The following POT1 variants were observed in gnomAD, a reference collection of about 807,000 sequenced individuals.
The protein encoded by POT1 is protection of telomeres 1, also known as protection of telomeres protein 1.
Under a neutral mutation model 78.5 loss-of-function variants are expected in POT1, and 47 were observed. That is an observed-to-expected ratio of 0.60 (90% confidence interval 0.47 to 0.76). The LOEUF (loss-of-function observed/expected upper bound fraction) is 0.76. Ranked by LOEUF, POT1 falls within the 30% of genes least tolerant of loss-of-function variation. POT1 has a pLI of 0.00. For missense variants in POT1, 646 were observed against 749.9 expected (o/e 0.86, Z 1.62); for synonymous variants, 259 against 260.7 (o/e 0.99, Z 0.06).
At chr7:124,909,111 A>G (rs1796831871) in intron 3 of POT1, among the ~76,000 whole-genome samples, 1 of 151,988 alleles carries the variant, frequency 6.6e-6, no homozygotes, top group South Asian at 2.1e-4. Context: ...AGGTATTAAT[A>G]AGTGTCTTTA....
intron 15 of POT1, among the ~76,000 whole-genome samples, chr7:124,834,857 G>C (rs10237080): frequency 0.4 from 60,683 of 152,010 alleles, 12,243 homozygotes; most frequent in East Asian, 0.5. Context: ...ATGTCCATCA[G>C]TGATAGACTG....
At chr7:124,829,931 C>T (rs1474161415) in intron 15 of POT1, among the ~76,000 whole-genome samples, 1 of 152,126 alleles carries the variant, frequency 6.6e-6, no homozygotes, top group African/African-American at 2.4e-5. Flanking sequence ...CTCCTGAGCT[C>T]AAGCCATCTG....
chr7:124,851,731 C>T (rs557968353), intron 11 of POT1, 141 bp downstream of exon 11: 2 of 669,468 alleles, frequency 3.0e-6, no homozygotes, highest in South Asian at 3.8e-5. Context: ...GCATAGGCCA[C>T]AGATAAAGAT....
At position 124,827,381 on chromosome 7, in the gene POT1, T is replaced by C. The variant is rs1794657199; in HGVS notation, c.1595-76A>G. On this transcript the variant is annotated intron_variant, in intron 16 of 18. Coordinates refer to ENST00000357628, the MANE Select transcript of POT1 (RefSeq NM_015450.3). ...TCAAGGTAAAGTTAAAATTGTTTTATGATAGTATAGACCTGTAAATTTTAT... is the reference window on the plus strand; with the variant it reads ...TCAAGGTAAAGTTAAAATTGTTTTACGATAGTATAGACCTGTAAATTTTAT... 2.1e-5 allele frequency: 17 copies of C among 814,758 alleles called. No homozygotes were observed. The South Asian group carries it at 4.1e-4, about 20-fold the overall frequency. 50.5% of individuals were successfully genotyped at this position (814,758 alleles called of 1,614,324 possible). A position where few individuals can be genotyped will look rare whatever the true frequency, so the allele number is the denominator to read the frequency against.
chr7:124,888,817 CAA>C (rs1394865287), intron 6 of POT1, among the ~76,000 whole-genome samples: 1 of 151,910 alleles, frequency 6.6e-6, no homozygotes, highest in Non-Finnish European at 1.5e-5. Context: ...TGGGGTAGCA[CAA>C]ATCACACCCA....
chr7:124,827,971 T>C (rs1794671032), intron 16 of POT1, among the ~76,000 whole-genome samples: 2 of 152,100 alleles, frequency 1.3e-5, no homozygotes, highest in Non-Finnish European at 2.9e-5. Flanking sequence ...AGGCAGAGGT[T>C]GCAGTGAGTC....
intron 2 of POT1, among the ~76,000 whole-genome samples, chr7:124,920,428 A>C (rs558679663): frequency 6.6e-6 from 1 of 152,186 alleles, no homozygotes; most frequent in Non-Finnish European, 1.5e-5. Flanking sequence ...GAGTTGGCAA[A>C]ACAGCTAACT....
intron 2 of POT1, among the ~76,000 whole-genome samples, chr7:124,921,164 T>C (rs138705031): frequency 6.6e-6 from 1 of 151,968 alleles, no homozygotes; most frequent in African/African-American, 2.4e-5. Context: ...AGAACAAAAA[T>C]AAAATAAGAA....
chr7:124,862,528 T>A lies in POT1; in HGVS notation c.546+822A>T, dbSNP rs555896431. On this transcript the variant is annotated intron_variant, in intron 8 of 18. Transcript: ENST00000357628. ...TTTCTCATAATATTCCATGTGTATA[T>A]GAGTGTGCTATTTTCAACTGCTAGA... is the stretch of plus-strand genomic sequence containing the variant. Among the ~76,000 whole-genome samples, 33 of 152,344 alleles carry A rather than the reference T, an allele frequency of 2.2e-4. No homozygotes were observed. In the South Asian group the frequency reaches 4.8e-3, roughly 22 times the overall value.
chr7:124,862,188 T>C (rs557698281), intron 8 of POT1, among the ~76,000 whole-genome samples: 2 of 152,184 alleles, frequency 1.3e-5, no homozygotes, highest in African/African-American at 4.8e-5. Flanking sequence ...GATGCAGGTA[T>C]GTGCTGTGTT....
At chr7:124,923,973 T>C (rs1797213060) in intron 2 of POT1, among the ~76,000 whole-genome samples, 1 of 150,792 alleles carries the variant, frequency 6.6e-6, no homozygotes, top group Non-Finnish European at 1.5e-5. Context: ...AAAAGAGATA[T>C]AAAAAATTTC....
At position 124,893,725 on chromosome 7, in the gene POT1, C is replaced by T. The variant is rs547266200; in HGVS notation, c.10-1345G>A. 2.0e-5 allele frequency among the ~76,000 whole-genome samples: 3 copies of T among 151,696 alleles called. No homozygotes were observed. The East Asian group carries it at 5.8e-4, about 29-fold the overall frequency. ...GCATTAATGTGAAGAAATAACTATGCTTGCCCAAGGACTTTCCAAACTTCC... is the reference window on the plus strand; with the variant it reads ...GCATTAATGTGAAGAAATAACTATGTTTGCCCAAGGACTTTCCAAACTTCC... On this transcript the variant is annotated intron_variant, in intron 5 of 18. Coordinates refer to ENST00000357628, the MANE Select transcript of POT1 (RefSeq NM_015450.3).
chr7:124,828,994 A>C, intron 16 of POT1: 1 of 677,620 alleles, frequency 1.5e-6, no homozygotes, highest in Non-Finnish European at 2.8e-6. Context: ...AGCACTGGTA[A>C]AGTGGAATGC....
intron 15 of POT1, among the ~76,000 whole-genome samples, chr7:124,831,231 A>T (rs1191166581): frequency 1.3e-5 from 2 of 152,206 alleles, no homozygotes; most frequent in Admixed American, 1.3e-4. Context: ...TACTGATGGG[A>T]CCATATATTG....
chr7:124,878,677 A>C (rs1034100189), intron 6 of POT1, among the ~76,000 whole-genome samples: 1 of 152,166 alleles, frequency 6.6e-6, no homozygotes, highest in Admixed American at 6.5e-5. Context: ...TATAAACTTA[A>C]GGGCATAGTG....
intron 7 of POT1, among the ~76,000 whole-genome samples, chr7:124,867,225 T>G (rs549280087): frequency 6.6e-6 from 1 of 152,336 alleles, no homozygotes; most frequent in East Asian, 1.9e-4. Flanking sequence ...TTCATGTCTG[T>G]AAAACTGAAA....
chr7:124,895,833 CT>C (rs1796478786), intron 5 of POT1, among the ~76,000 whole-genome samples: 1 of 151,518 alleles, frequency 6.6e-6, no homozygotes. Flanking sequence ...CTGGAGTGTA[CT>C]GGTCAAAGGT....
At chr7:124,856,704 G>A (rs1195254607) in intron 9 of POT1, among the ~76,000 whole-genome samples, 1 of 152,180 alleles carries the variant, frequency 6.6e-6, no homozygotes, top group Non-Finnish European at 1.5e-5. Flanking sequence ...TATAGGGAAA[G>A]AGAAGGGAAT....
In POT1 at chr7:124,895,860, T is replaced by C. The variant is rs569972917; in HGVS notation, c.9+1305A>G. Among the ~76,000 whole-genome samples the C allele has an allele frequency of 5.3e-5, 8 of 151,720 alleles. No individual in the cohort carries two copies. In the East Asian group the frequency reaches 1.5e-3, roughly 29 times the overall value. Reference sequence around the variant, plus strand: ...GGTCAAAGGTAATGACAAGATTAGGTTGAATAAAAATATAGGGGATAGTTT... The same window carrying C: ...GGTCAAAGGTAATGACAAGATTAGGCTGAATAAAAATATAGGGGATAGTTT... On this transcript the variant is annotated intron_variant, in intron 5 of 18. Transcript: ENST00000357628.
Sources: allele counts gnomAD v4.1 joint callset (sites outside exome capture counted in the v4.1 genomes callset), GRCh38; gene constraint gnomAD v4.1.1; transcripts MANE v1.5; gene names NCBI Gene and HGNC (gene_info 2026-07-23, HGNC 2026-07-21).